MPP7: variants seen among roughly 807,000 people sequenced by gnomAD.
MPP7 encodes the protein MAGUK p55 scaffold protein 7.
A neutral mutation model predicts 76.5 loss-of-function variants in MPP7; 60 were observed. The ratio of observed to expected loss-of-function variants is 0.78; its 90% CI spans 0.64 to 0.97. The LOEUF is 0.97. Among genes scored for constraint, MPP7 ranks in the 50% least tolerant of loss-of-function variants. The pLI is 0.00. For missense variants in MPP7, 641 were observed against 694.0 expected (o/e 0.92, Z 0.86); for synonymous variants, 237 against 244.5 (o/e 0.97, Z 0.29).
intron 2 of MPP7, among the ~76,000 whole-genome samples, chr10:28,328,017 C>T (rs997138209): frequency 1.3e-5 from 2 of 152,144 alleles, no homozygotes; most frequent in Non-Finnish European, 2.9e-5. Context: ...TCAGCAAAGA[C>T]GTTTTTGTCC....
intron 1 of MPP7, among the ~76,000 whole-genome samples, chr10:28,333,091 T>C (rs1464192619): frequency 6.6e-6 from 1 of 152,230 alleles, no homozygotes; most frequent in Non-Finnish European, 1.5e-5. Flanking sequence ...TACTTAACTT[T>C]AACCTAATGT....
intron 2 of MPP7, among the ~76,000 whole-genome samples, chr10:28,213,642 A>T (rs1838215811): frequency 6.6e-6 from 1 of 151,984 alleles, no homozygotes; most frequent in African/African-American, 2.4e-5. Context: ...TACAAAAAAA[A>T]TTAGCCAGGT....
chr10:28,252,570 T>C (rs1382539747), intron 1 of MPP7, among the ~76,000 whole-genome samples: 1 of 152,210 alleles, frequency 6.6e-6, no homozygotes, highest in Non-Finnish European at 1.5e-5. Flanking sequence ...AGTCTCTCCA[T>C]CTAGGTCCCC....
At chr10:28,263,663 C>A (rs896293041) in intron 1 of MPP7, among the ~76,000 whole-genome samples, 1 of 152,058 alleles carries the variant, frequency 6.6e-6, no homozygotes, top group Non-Finnish European at 1.5e-5. Context: ...AGCTGGCCCA[C>A]GATCTGCAAA....
chr10:28,303,953 G>A (rs556569956), upstream of MPP7, among the ~76,000 whole-genome samples: 1 of 152,030 alleles, frequency 6.6e-6, no homozygotes, highest in African/African-American at 2.4e-5. Context: ...CTTATAGGAA[G>A]AATTAGAATC....
intron 1 of MPP7, among the ~76,000 whole-genome samples, chr10:28,299,745 C>T (rs532518562): frequency 1.3e-4 from 20 of 150,216 alleles, no homozygotes; most frequent in Admixed American, 1.3e-3. Flanking sequence ...CCGAATGTAT[C>T]TCATTTAACA....
intron 1 of MPP7, among the ~76,000 whole-genome samples, chr10:28,300,082 A>C (rs1841120381): frequency 1.3e-5 from 2 of 152,204 alleles, no homozygotes; most frequent in South Asian, 4.1e-4. Flanking sequence ...TCAAGACTTA[A>C]GTCATTCATT....
chr10:28,257,334 T>G (rs1188315212), intron 1 of MPP7, among the ~76,000 whole-genome samples: 1 of 152,040 alleles, frequency 6.6e-6, no homozygotes, highest in East Asian at 1.9e-4. Context: ...ATAAGGAAAC[T>G]GAAAACCAAC....
intron 16 of MPP7, 151 bp from the exon 17 acceptor site, chr10:28,054,395 C>T: frequency 1.8e-6 from 1 of 559,700 alleles, no homozygotes; most frequent in South Asian, 2.7e-5. Flanking sequence ...TCTTTAACCA[C>T]AAGTGCTTCA....
At chr10:28,102,238 C>T (rs1314715497) in intron 11 of MPP7, among the ~76,000 whole-genome samples, 1 of 152,096 alleles carries the variant, frequency 6.6e-6, no homozygotes, top group African/African-American at 2.4e-5. Context: ...GAACTCCTGG[C>T]CTCAAGTGAT....
chr10:28,072,323 G>T (rs946078371), intron 12 of MPP7, among the ~76,000 whole-genome samples: 3 of 152,062 alleles, frequency 2.0e-5, no homozygotes, highest in Admixed American at 2.0e-4. Context: ...CAGTGCTTCA[G>T]TGCACCAGAC....
rs193167652 is a variant in MPP7, at chr10:28,316,348, T to C, written c.-132+13581A>G. ...TACTCAGGAGGTTGAGGCAGAAGAA[T>C]CGCTTGAACCCAGGAGGCAGAACCT... is the stretch of plus-strand genomic sequence containing the variant. On this transcript the variant is annotated intron_variant, in intron 2 of 11. Transcript: ENST00000441595. Among the ~76,000 whole-genome samples, 35 of 141,232 alleles carry C rather than the reference T, an allele frequency of 2.5e-4. No homozygotes were observed. The East Asian group carries it at 7.2e-3, about 29-fold the overall frequency. The allele number at this position is 141,232 out of a possible 152,430, so 92.7% of individuals were successfully genotyped here. A position where few individuals can be genotyped will look rare whatever the true frequency, so the allele number is the denominator to read the frequency against.
chr10:28,087,677 T>G (rs1212023561), intron 12 of MPP7, among the ~76,000 whole-genome samples: 1 of 152,222 alleles, frequency 6.6e-6, no homozygotes, highest in African/African-American at 2.4e-5. Context: ...ATTACAGGCA[T>G]GAGCCACTGC....
intron 2 of MPP7, 90 bp from the exon 3 acceptor site, chr10:28,202,361 C>A (rs566410582): frequency 5.0e-6 from 4 of 799,276 alleles, no homozygotes; most frequent in South Asian, 1.8e-5. Context: ...CTGGAACATG[C>A]CAATTTTACT....
At chr10:28,084,926 C>G (rs1320409445) in intron 12 of MPP7, among the ~76,000 whole-genome samples, 2 of 152,096 alleles carry the variant, frequency 1.3e-5, no homozygotes, top group African/African-American at 4.8e-5. Context: ...CCCACCAAGC[C>G]TATTGAACTG....
At chr10:28,204,287 AC>A (rs1274301086) in intron 2 of MPP7, among the ~76,000 whole-genome samples, 1 of 152,048 alleles carries the variant, frequency 6.6e-6, no homozygotes, top group African/African-American at 2.4e-5. Context: ...TACTAAAAAT[AC>A]AAAAATTAGC....
intron 5 of MPP7, among the ~76,000 whole-genome samples, chr10:28,138,407 C>G (rs1835413988): frequency 6.6e-6 from 1 of 152,196 alleles, no homozygotes; most frequent in Non-Finnish European, 1.5e-5. Flanking sequence ...GAAGTATTCA[C>G]ATTCAATTAA....
At chr10:28,324,448 C>T (rs1762169) in intron 2 of MPP7, among the ~76,000 whole-genome samples, 1 of 151,964 alleles carries the variant, frequency 6.6e-6, no homozygotes, top group East Asian at 1.9e-4. Context: ...TTATGTACCA[C>T]GAATGGTTCT....
chr10:28,271,635 T>C (rs539675661), intron 1 of MPP7, among the ~76,000 whole-genome samples: 14 of 152,276 alleles, frequency 9.2e-5, no homozygotes, highest in African/African-American at 2.6e-4. Flanking sequence ...TTCATAGATA[T>C]ATAGACAGAT....
Sources: gnomAD v4.1 joint callset for allele counts (sites outside exome capture counted in the v4.1 genomes callset) on GRCh38, gnomAD v4.1.1 for gene constraint, MANE v1.5 for transcripts, NCBI Gene and HGNC (gene_info 2026-07-23, HGNC 2026-07-21) for gene names.